The following PIK3C2G variants were observed in gnomAD, a reference collection of about 807,000 sequenced individuals.
PIK3C2G encodes the protein phosphatidylinositol 3-kinase C2 domain-containing subunit gamma.
A neutral mutation model predicts 181.1 loss-of-function variants in PIK3C2G; 168 were observed. The ratio of observed to expected loss-of-function variants is 0.93; its 90% CI spans 0.82 to 1.05. The LOEUF is 1.05. PIK3C2G is among the 50% of genes least tolerant of loss of function. The probability of loss-of-function intolerance (pLI) is 0.00; values close to 1 mark genes in which losing one functional copy is unlikely to be tolerated. For synonymous variants in PIK3C2G, 573 were observed against 592.2 expected, an observed-to-expected ratio of 0.97 and a Z score of 0.47; for missense variants, 1,869 against 1,732.8, an observed-to-expected ratio of 1.08 and a Z score of -1.40.
intron 1 of PIK3C2G, among the ~76,000 whole-genome samples, chr12:18,255,248 T>TAAACAAACAAAC (rs879496888): frequency 1.6e-4 from 22 of 135,768 alleles, no homozygotes; most frequent in African/African-American, 6.0e-4. Context: ...AATAAATAAA[T>TAAACAAACAAAC]AAATAAACAA....
chr12:18,574,623 G>T (rs964431490), intron 29 of PIK3C2G, among the ~76,000 whole-genome samples: 1 of 152,292 alleles, frequency 6.6e-6, no homozygotes, highest in Middle Eastern at 3.4e-3. Flanking sequence ...TTGATTAAAT[G>T]CTAGCAGCAC....
intron 16 of PIK3C2G, among the ~76,000 whole-genome samples, chr12:18,405,543 C>A (rs1226994756): frequency 6.7e-6 from 1 of 149,934 alleles, no homozygotes; most frequent in African/African-American, 2.5e-5. Context: ...AAGAACAGTG[C>A]AAAGCAAGAA....
chr12:18,419,051 T>A (rs1257999974), intron 16 of PIK3C2G, among the ~76,000 whole-genome samples: 2 of 152,166 alleles, frequency 1.3e-5, no homozygotes, highest in African/African-American at 4.8e-5. Flanking sequence ...TAAAGATGTT[T>A]ACGTGTAACG....
intron 18 of PIK3C2G, among the ~76,000 whole-genome samples, chr12:18,459,887 C>G (rs1184664446): frequency 2.0e-5 from 3 of 152,104 alleles, no homozygotes; most frequent in Admixed American, 1.3e-4. Flanking sequence ...CTCAGCCTCC[C>G]AAGTAGCTGA....
intron 7 of PIK3C2G, among the ~76,000 whole-genome samples, chr12:18,324,468 G>A (rs1951247542): frequency 1.3e-5 from 2 of 152,292 alleles, no homozygotes; most frequent in South Asian, 4.1e-4. Context: ...AGAAGGTAAA[G>A]TCAATAATGT....
chr12:18,381,888 C>A lies in PIK3C2G; in HGVS notation c.1995+8C>A, dbSNP rs746883808. 6 of 1,526,950 alleles carry A rather than the reference C, an allele frequency of 3.9e-6. No individual in the cohort carries two copies. The highest frequency in any genetic ancestry group is 5.5e-6 in the Non-Finnish European group (6 of 1,100,668). 94.6% of individuals were successfully genotyped at this position (1,526,950 alleles called of 1,614,324 possible). On this transcript the variant is annotated splice_region_variant and intron_variant, in intron 14 of 32. Transcript: ENST00000538779. The stretch of plus-strand genomic sequence containing the variant: ...TCCCCGGTGACCCTGCAGGTAAGTG[C>A]CAGGCTAAAAGATTAAAGTACACAT...
chr12:18,584,001 C>T (rs911509603), intron 29 of PIK3C2G, among the ~76,000 whole-genome samples: 4 of 151,654 alleles, frequency 2.6e-5, no homozygotes, highest in Non-Finnish European at 4.4e-5. Context: ...ATAAAATAGA[C>T]AGTTTTTTAA....
intron 18 of PIK3C2G, among the ~76,000 whole-genome samples, chr12:18,464,633 C>T (rs890580647): frequency 1.7e-4 from 26 of 152,156 alleles, no homozygotes; most frequent in African/African-American, 6.0e-4. Flanking sequence ...GACCTTATCA[C>T]TAATGTTTAC....
At chr12:18,498,626 G>A (rs1214428331) in intron 22 of PIK3C2G, among the ~76,000 whole-genome samples, 3 of 151,052 alleles carry the variant, frequency 2.0e-5, no homozygotes, top group African/African-American at 4.9e-5. Flanking sequence ...CAAGAGAACT[G>A]TCATGCCATG....
At chr12:18,350,694 A>T (rs1007269428) in intron 11 of PIK3C2G, among the ~76,000 whole-genome samples, 1 of 152,196 alleles carries the variant, frequency 6.6e-6, no homozygotes, top group Non-Finnish European at 1.5e-5. Flanking sequence ...ATCTCTCAAT[A>T]TAAATACTGA....
chr12:18,313,937 T>A (rs1950748567), intron 5 of PIK3C2G, 25 bp from the exon 6 acceptor site: 1 of 1,124,876 alleles, frequency 8.9e-7, no homozygotes, highest in Admixed American at 1.9e-5. Flanking sequence ...GAGGATATGA[T>A]TGTGTTCATT....
chr12:18,493,126 A>T (rs1315547026), intron 20 of PIK3C2G: 1 of 152,238 alleles, frequency 6.6e-6, no homozygotes, highest in Non-Finnish European at 1.5e-5. Context: ...TCTCTGTTTC[A>T]ACAGAAACCT....
intron 31 of PIK3C2G, among the ~76,000 whole-genome samples, chr12:18,628,346 A>G (rs1347025300): frequency 6.6e-6 from 1 of 152,186 alleles, no homozygotes; most frequent in Non-Finnish European, 1.5e-5. Context: ...TACTTTATAA[A>G]CAGTTTAAAA....
At chr12:18,268,205 A>C (rs1011051244) in intron 1 of PIK3C2G, among the ~76,000 whole-genome samples, 32 of 152,118 alleles carry the variant, frequency 2.1e-4, no homozygotes, top group Non-Finnish European at 4.4e-5. Context: ...CTTACATATG[A>C]TAAAAATTTA....
At chr12:18,573,782 G>A (rs1946096222) in intron 29 of PIK3C2G, among the ~76,000 whole-genome samples, 1 of 152,068 alleles carries the variant, frequency 6.6e-6, no homozygotes, top group South Asian at 2.1e-4. Context: ...TCTCTTTCTT[G>A]TGCTCTACTA....
intron 9 of PIK3C2G, among the ~76,000 whole-genome samples, chr12:18,339,046 C>T (rs1478690903): frequency 6.6e-6 from 1 of 152,066 alleles, no homozygotes; most frequent in Non-Finnish European, 1.5e-5. Context: ...GCAGTGCACA[C>T]TGCCTCCATG....
chr12:18,495,757 T>C (rs1402353742), intron 20 of PIK3C2G, among the ~76,000 whole-genome samples: 1 of 152,180 alleles, frequency 6.6e-6, no homozygotes, highest in Non-Finnish European at 1.5e-5. Flanking sequence ...ATTCATACAC[T>C]GCTTAGTTCA....
At chr12:18,275,727 G>C (rs1948958903) in intron 1 of PIK3C2G, among the ~76,000 whole-genome samples, 1 of 151,896 alleles carries the variant, frequency 6.6e-6, no homozygotes, top group Non-Finnish European at 1.5e-5. Flanking sequence ...CTTGTTTTTG[G>C]CCTTGGCTTT....
At chr12:18,651,466 C>T (rs569178982), downstream of PIK3C2G, among the ~76,000 whole-genome samples, 1 of 152,238 alleles carries the variant, frequency 6.6e-6, no homozygotes, top group Admixed American at 6.5e-5. Flanking sequence ...TATGCTTTGT[C>T]TCCCTTCACT....
Sources: gnomAD v4.1 joint callset for allele counts (sites outside exome capture counted in the v4.1 genomes callset) on GRCh38, gnomAD v4.1.1 for gene constraint, MANE v1.5 for transcripts, NCBI Gene and HGNC (gene_info 2026-07-23, HGNC 2026-07-21) for gene names.